KAZN: variants seen among roughly 807,000 people sequenced by gnomAD.
KAZN encodes kazrin, periplakin interacting protein, also known as kazrin.
KAZN carries 40 observed loss-of-function variants against 87.4 expected under a neutral mutation model. That is an observed-to-expected ratio of 0.46 (90% CI 0.36 to 0.60). The LOEUF (loss-of-function observed/expected upper bound fraction) is 0.60, where lower values mean the gene tolerates loss of function less well. Ranked by LOEUF, KAZN falls within the 20% of genes least tolerant of loss-of-function variation. KAZN has a pLI of 0.00. For missense variants in KAZN, 898 were observed against 1,073.9 expected (o/e 0.84, Z 2.29); for synonymous variants, 466 against 458.3 (o/e 1.02, Z -0.22).
chr1:14,403,946 G>A (rs989463900), intron 2 of KAZN, among the ~76,000 whole-genome samples: 10 of 152,046 alleles, frequency 6.6e-5, no homozygotes, highest in South Asian at 2.1e-4. Flanking sequence ...GAGAGGTCCC[G>A]GAGAAAATGG....
At chr1:14,935,749 C>G (rs887485511) in intron 1 of KAZN, among the ~76,000 whole-genome samples, 5 of 152,166 alleles carry the variant, frequency 3.3e-5, no homozygotes, top group African/African-American at 1.2e-4. Flanking sequence ...GGCTGGTTGG[C>G]CCTTCTATGC....
intron 2 of KAZN, among the ~76,000 whole-genome samples, chr1:14,267,477 A>G (rs1295320643): frequency 1.3e-5 from 2 of 152,070 alleles, no homozygotes; most frequent in Non-Finnish European, 2.9e-5. Context: ...CAAGGATTGG[A>G]CAAGTTTGAC....
chr1:14,724,012 G>A (rs568965098), intron 1 of KAZN, among the ~76,000 whole-genome samples: 4 of 152,184 alleles, frequency 2.6e-5, no homozygotes, highest in East Asian at 1.9e-4. Flanking sequence ...TTTCAGCTTC[G>A]TAATTTTCTG....
chr1:15,056,328 CAGG>C lies in KAZN; in HGVS notation c.916+52_916+54del. 1 of 1,535,168 alleles carries C rather than the reference CAGG, an allele frequency of 6.5e-7. No individual in the cohort carries two copies. On this transcript the variant is annotated intron_variant, in intron 5 of 14. Coordinates refer to ENST00000376030, the MANE Select transcript of KAZN (RefSeq NM_201628.3). The surrounding 1 kb of genome is among the most constrained non-coding windows in gnomAD (Gnocchi z 5.4). ...TCCACCACGGCTTCGAGGGGCTTCA[CAGG>C]AGGCCATCTGACCCAGTGGGAGAGG...
chr1:14,011,680 G>C (rs1313639016), intron 1 of KAZN, among the ~76,000 whole-genome samples: 2 of 152,158 alleles, frequency 1.3e-5, no homozygotes, highest in African/African-American at 4.8e-5. Context: ...TCTTCCATGA[G>C]CTCTGTGACC....
chr1:14,985,306 A>AAGGTGGGAGGCCAAGGTGGGAGG (rs1666690942), intron 2 of KAZN, among the ~76,000 whole-genome samples: 4 of 102,224 alleles, frequency 3.9e-5, no homozygotes, highest in African/African-American at 6.3e-5. Context: ...AAGGTGGGAG[A>AAGGTGGGAGGCCAAGGTGGGAGG]ATCACATGAG....
At chr1:14,265,382 A>T (rs1023662407) in intron 2 of KAZN, among the ~76,000 whole-genome samples, 2 of 152,212 alleles carry the variant, frequency 1.3e-5, no homozygotes, top group Non-Finnish European at 2.9e-5. Flanking sequence ...ACGCATTATC[A>T]CAACTCCAAT....
At chr1:14,725,082 A>G (rs1643314474) in intron 1 of KAZN, among the ~76,000 whole-genome samples, 1 of 152,216 alleles carries the variant, frequency 6.6e-6, no homozygotes, top group Admixed American at 6.5e-5. Context: ...CAGAGGAAAG[A>G]AGATCACCAT....
chr1:13,951,700 T>C (rs188317642), intron 1 of KAZN, among the ~76,000 whole-genome samples: 1 of 152,134 alleles, frequency 6.6e-6, no homozygotes, highest in Non-Finnish European at 1.5e-5. Context: ...TTTGGGATGA[T>C]AGGATGAAAC....
At chr1:13,899,823 T>C (rs1335197851) in intron 1 of KAZN, among the ~76,000 whole-genome samples, 2 of 152,052 alleles carry the variant, frequency 1.3e-5, no homozygotes, top group African/African-American at 4.8e-5. Context: ...TTTGTATTTT[T>C]AGTAGAGATG....
At chr1:15,102,551 G>A (rs1459287166) in intron 11 of KAZN, among the ~76,000 whole-genome samples, 1 of 152,142 alleles carries the variant, frequency 6.6e-6, no homozygotes, top group Non-Finnish European at 1.5e-5. Flanking sequence ...AGTCCAGGTA[G>A]CTGACTTTTC....
At position 14,883,166 on chromosome 1, in the gene KAZN, A is replaced by ATG. The variant is rs1488498290; in HGVS notation, c.227-77517_227-77516dup. 2.0e-5 allele frequency among the ~76,000 whole-genome samples: 3 copies of ATG among 151,640 alleles called. No individual in the cohort carries two copies. The East Asian group carries it at 5.9e-4, about 30-fold the overall frequency. ...CAAAATTAGCTGGGCGTGATGGCAC[A>ATG]TGCCTGTAATCCCAGTTACTCAGGA... On this transcript the variant is annotated intron_variant, in intron 1 of 14. Transcript: ENST00000376030.
At chr1:14,788,334 A>G (rs1645572329) in intron 1 of KAZN, among the ~76,000 whole-genome samples, 1 of 152,330 alleles carries the variant, frequency 6.6e-6, no homozygotes, top group South Asian at 2.1e-4. Context: ...GGCAGATGGA[A>G]AAAGATGGTT....
chr1:14,663,154 T>G (rs956657266), intron 1 of KAZN, among the ~76,000 whole-genome samples: 6 of 151,918 alleles, frequency 3.9e-5, no homozygotes, highest in South Asian at 2.1e-4. Flanking sequence ...AATTCTTTTT[T>G]TCCATACAGA....
intron 1 of KAZN, among the ~76,000 whole-genome samples, chr1:14,850,512 T>A (rs1017989926): frequency 1.3e-5 from 2 of 152,192 alleles, no homozygotes; most frequent in African/African-American, 4.8e-5. Context: ...TTAAGCAACT[T>A]GCCCACGGTT....
chr1:14,466,785 G>A (rs867769521), intron 2 of KAZN, among the ~76,000 whole-genome samples: 12 of 151,924 alleles, frequency 7.9e-5, no homozygotes, highest in South Asian at 4.1e-4. Context: ...TGGCTAACAC[G>A]GTGAAACCCT....
intron 1 of KAZN, among the ~76,000 whole-genome samples, chr1:13,953,800 C>A (rs941263748): frequency 2.0e-5 from 3 of 152,084 alleles, no homozygotes; most frequent in African/African-American, 7.2e-5. Flanking sequence ...TTGCACCATC[C>A]AATATGGTGG....
chr1:15,109,801 A>G (rs116806282), intron 13 of KAZN, among the ~76,000 whole-genome samples: 15,288 of 98,390 alleles, frequency 0.16, 1,006 homozygotes, highest in South Asian at 0.21. Context: ...GTGTATGTGT[A>G]TGTGTGTGTT....
rs144289870 is a variant in KAZN at position 14,571,200 on chromosome 1, G to T, written c.250-27783G>T. On this transcript the variant is annotated intron_variant, in intron 2 of 16. Coordinates refer to the KAZN transcript ENST00000636203. ...AAACGTACATAGAATTCAAAACTAA[G>T]AACTGTGAGCACAGTCAATTTTTTC... 3.7e-3 allele frequency among the ~76,000 whole-genome samples: 562 copies of T among 150,478 alleles called. 3 individuals carry two copies. The highest frequency in any genetic ancestry group is 0.012 in the African/African-American group (476 of 40,994).
Sources: gnomAD v4.1 joint callset for allele counts (sites outside exome capture counted in the v4.1 genomes callset) on GRCh38, gnomAD v4.1.1 for gene constraint, Gnocchi (gnomAD v3.1) non-coding constraint, MANE v1.5 for transcripts, NCBI Gene and HGNC (gene_info 2026-07-23, HGNC 2026-07-21) for gene names.